The following DMD variants were observed in gnomAD, a reference collection of about 807,000 sequenced individuals.
DMD encodes the protein mutant dystrophin.
DMD carries 63 observed loss-of-function variants against 330.1 expected under a neutral mutation model. The ratio of observed to expected loss-of-function variants is 0.19; its 90% CI spans 0.16 to 0.24. The LOEUF is 0.24. Ranked by LOEUF, DMD falls within the 10% of genes least tolerant of loss-of-function variation. The pLI, the probability that DMD is intolerant of heterozygous loss-of-function variation, is 1.00. For synonymous variants in DMD, 1,223 were observed against 959.8 expected, an observed-to-expected ratio of 1.27 and a Z score of -5.07; for missense variants, 3,344 against 2,684.1, an observed-to-expected ratio of 1.25 and a Z score of -5.43.
chrX:32,803,737 G>T (rs905703312), intron 7 of DMD, among the ~76,000 whole-genome samples: 31 of 112,127 alleles, frequency 2.8e-4, no homozygotes, highest in African/African-American at 9.7e-4. Flanking sequence ...TCACCCAGGA[G>T]CAGGTTTGTT....
intron 51 of DMD, among the ~76,000 whole-genome samples, chrX:31,730,246 C>T (rs189245213): frequency 1.3e-4 from 14 of 111,888 alleles, no homozygotes; most frequent in African/African-American, 2.9e-4. Flanking sequence ...GTGAAGTAGA[C>T]GAGCTAAATC....
chrX:31,512,154 G>A (rs1413212685), intron 55 of DMD, among the ~76,000 whole-genome samples: 2 of 110,170 alleles, frequency 1.8e-5, no homozygotes, highest in East Asian at 2.8e-4. Context: ...GTCTGTTCAT[G>A]TCCTTCACCC....
intron 44 of DMD, among the ~76,000 whole-genome samples, chrX:32,132,326 C>T (rs907559958): frequency 9.0e-6 from 1 of 111,617 alleles, no homozygotes. Context: ...GAATAAAACA[C>T]TCCATCAAAT....
At chrX:31,961,054 G>T (rs1208350951) in intron 45 of DMD, among the ~76,000 whole-genome samples, 1 of 112,162 alleles carries the variant, frequency 8.9e-6, no homozygotes, top group Admixed American at 9.5e-5. Flanking sequence ...GGTATTAGTT[G>T]AGATACAGTG....
chrX:32,470,158 C>G (rs750715140), intron 22 of DMD, among the ~76,000 whole-genome samples: 1 of 110,667 alleles, frequency 9.0e-6, no homozygotes. Flanking sequence ...ATTTAAGTTA[C>G]AATTATTCAT....
chrX:31,898,068 G>A (rs1362451931), intron 47 of DMD, among the ~76,000 whole-genome samples: 7 of 110,344 alleles, frequency 6.3e-5, no homozygotes, highest in Admixed American at 1.9e-4. Flanking sequence ...CAAGGGATGT[G>A]AAGGACCTCT....
intron 4 of DMD, among the ~76,000 whole-genome samples, chrX:32,825,493 A>G (rs2078626150): frequency 8.9e-6 from 1 of 112,085 alleles, no homozygotes; most frequent in Non-Finnish European, 1.9e-5. Flanking sequence ...AAAAGTATCT[A>G]CCATTAGGCT....
At chrX:32,582,342 T>C (rs1210332518) in intron 13 of DMD, among the ~76,000 whole-genome samples, 1 of 111,851 alleles carries the variant, frequency 8.9e-6, no homozygotes, top group East Asian at 2.8e-4. Context: ...AAATCAACTG[T>C]ATTTCTTTAT....
chrX:32,721,469 T>A (rs772342757), intron 7 of DMD, among the ~76,000 whole-genome samples: 1 of 110,418 alleles, frequency 9.1e-6, no homozygotes, highest in Admixed American at 9.7e-5. Context: ...TTGAGCACGT[T>A]TTAATTTCCC....
At chrX:32,149,925 T>C (rs925480385) in intron 44 of DMD, among the ~76,000 whole-genome samples, 2 of 112,041 alleles carry the variant, frequency 1.8e-5, no homozygotes, top group Non-Finnish European at 3.8e-5. Flanking sequence ...TTCACACTTC[T>C]GAATTTCTCA....
chrX:32,657,575 T>C (rs746734015), intron 9 of DMD, among the ~76,000 whole-genome samples: 3 of 111,729 alleles, frequency 2.7e-5, no homozygotes, highest in South Asian at 7.3e-4. Context: ...CAAACCGACA[T>C]TCCTTGGCTG....
chrX:32,506,941 C>T (rs746605482), intron 18 of DMD, among the ~76,000 whole-genome samples: 7 of 111,310 alleles, frequency 6.3e-5, no homozygotes. Context: ...GATGAAGCTC[C>T]AATATTTCTA....
chrX:31,263,337 G>T (rs944378465), intron 62 of DMD, among the ~76,000 whole-genome samples: 3 of 112,374 alleles, frequency 2.7e-5, no homozygotes, highest in Non-Finnish European at 5.6e-5. Context: ...ATCCCACATA[G>T]AATGAATGAG....
At chrX:32,813,612 T>A (rs901657915) in intron 6 of DMD, among the ~76,000 whole-genome samples, 5 of 111,774 alleles carry the variant, frequency 4.5e-5, no homozygotes, top group African/African-American at 1.6e-4. Context: ...TTAATTACAT[T>A]TATATAAGAA....
intron 55 of DMD, among the ~76,000 whole-genome samples, chrX:31,581,249 C>A (rs2076328984): frequency 9.0e-6 from 1 of 111,652 alleles, no homozygotes; most frequent in African/African-American, 3.3e-5. Flanking sequence ...TTAATTTTCA[C>A]CTGCCTGTCT....
intron 61 of DMD, among the ~76,000 whole-genome samples, chrX:31,341,878 TGCGTGCGC>T (rs1446580969): frequency 2.9e-5 from 2 of 67,994 alleles, no homozygotes; most frequent in African/African-American, 1.3e-4. Flanking sequence ...CGTGCGCGCG[TGCGTGCGC>T]GCGCGCACAC....
chrX:33,115,728 G>A (rs988556048), intron 1 of DMD, among the ~76,000 whole-genome samples: 1 of 109,013 alleles, frequency 9.2e-6, no homozygotes, highest in African/African-American at 3.3e-5. Context: ...TGTTAGCCAG[G>A]ATGGTCTCGA....
chrX:32,579,051 G>GA (rs11393946), intron 13 of DMD, among the ~76,000 whole-genome samples: 1,914 of 110,667 alleles, frequency 0.017, 43 homozygotes, highest in African/African-American at 0.06. Context: ...AAAAACCATT[G>GA]AAAAAAACAA....
intron 5 of DMD, among the ~76,000 whole-genome samples, chrX:32,818,076 T>C (rs778407895): frequency 1.8e-5 from 2 of 112,083 alleles, no homozygotes; most frequent in Admixed American, 9.5e-5. Flanking sequence ...AATTATAAAT[T>C]GCTCAACCTT....
Sources: gnomAD v4.1 joint callset for allele counts (sites outside exome capture counted in the v4.1 genomes callset) on GRCh38, gnomAD v4.1.1 for gene constraint, MANE v1.5 for transcripts, NCBI Gene and HGNC (gene_info 2026-07-23, HGNC 2026-07-21) for gene names.